TANC1: variants seen among roughly 807,000 people sequenced by gnomAD.
The protein encoded by TANC1 is tetratricopeptide repeat, ankyrin repeat and coiled-coil containing 1, also known as protein TANC1.
A neutral mutation model predicts 149.7 loss-of-function variants in TANC1; 77 were observed. That is an observed-to-expected ratio of 0.51 (90% confidence interval 0.43 to 0.62). The LOEUF is 0.62. Ranked by LOEUF, TANC1 falls within the 20% of genes least tolerant of loss-of-function variation. The pLI, the probability that TANC1 is intolerant of heterozygous loss-of-function variation, is 0.00. For missense variants in TANC1, 1,985 were observed against 2,321.8 expected (o/e 0.85, Z 2.98); for synonymous variants, 854 against 925.0 (o/e 0.92, Z 1.39).
At chr2:159,091,213 AC>A (rs2045502191) in intron 3 of TANC1, among the ~76,000 whole-genome samples, 1 of 152,032 alleles carries the variant, frequency 6.6e-6, no homozygotes, top group South Asian at 2.1e-4. Flanking sequence ...CTGGGTTCAG[AC>A]TCAGCTCTGA....
At chr2:159,052,411 G>A (rs182531068) in intron 2 of TANC1, among the ~76,000 whole-genome samples, 268 of 152,138 alleles carry the variant, frequency 1.8e-3, no homozygotes, top group Middle Eastern at 0.01. Context: ...TGACATACTC[G>A]CTCCTGCTAA....
At chr2:159,213,127 G>T (rs539377768) in intron 19 of TANC1, among the ~76,000 whole-genome samples, 1 of 152,050 alleles carries the variant, frequency 6.6e-6, no homozygotes, top group Non-Finnish European at 1.5e-5. Flanking sequence ...CTTACAAGAG[G>T]ATAACTTATC....
At chr2:159,004,075 C>T (rs2036898533) in intron 2 of TANC1, 4 of 1,612,118 alleles carry the variant, frequency 2.5e-6, no homozygotes, top group Non-Finnish European at 3.4e-6. Context: ...GTCCAAGCTT[C>T]CCTTTCTGCT....
In TANC1 at chr2:159,003,939, C is replaced by T. The variant is rs898920104; in HGVS notation, c.-16+2750C>T. 11 of 1,612,638 alleles carry T rather than the reference C, an allele frequency of 6.8e-6. No individual in the cohort carries two copies. The African/African-American group carries it at 1.1e-4, about 16-fold the overall frequency. On this transcript the variant is annotated intron_variant, in intron 2 of 26. Coordinates refer to ENST00000263635, the MANE Select transcript of TANC1 (RefSeq NM_033394.3). ...AAGAAGAAGGTGGTACATAGAACAGCCACAGCTGATGACAAAAAGCTTCAG... is the reference window on the plus strand; with the variant it reads ...AAGAAGAAGGTGGTACATAGAACAGTCACAGCTGATGACAAAAAGCTTCAG...
At chr2:159,025,242 C>CTT (rs2039222238) in intron 2 of TANC1, among the ~76,000 whole-genome samples, 2 of 15,138 alleles carry the variant, frequency 1.3e-4, no homozygotes, top group East Asian at 2.4e-3. Flanking sequence ...TCTTTCTTTT[C>CTT]TCCTTCCTTC....
intron 2 of TANC1, among the ~76,000 whole-genome samples, chr2:159,002,988 C>G (rs959831738): frequency 6.6e-6 from 1 of 152,166 alleles, no homozygotes; most frequent in African/African-American, 2.4e-5. Flanking sequence ...GCTGTAACCT[C>G]CAGGTGTAAA....
chr2:159,122,715 C>T (rs2048980575), intron 4 of TANC1, among the ~76,000 whole-genome samples: 1 of 151,442 alleles, frequency 6.6e-6, no homozygotes, highest in Non-Finnish European at 1.5e-5. Context: ...TAGCCTAATG[C>T]AGTTGATTCA....
Position 158,983,468 on chromosome 2 carries a change from C to CAAAAA in TANC1, c.-126+14701_-126+14705dup, listed in dbSNP as rs35472970. The stretch of plus-strand genomic sequence containing the variant: ...GGAGACAGAGCAAGACTCCGTCTCC[C>CAAAAA]AAAAAAAAAAAAAAAAAAACACCAA... On this transcript the variant is annotated intron_variant, in intron 1 of 26. Transcript: ENST00000263635. Among the ~76,000 whole-genome samples the CAAAAA allele has an allele frequency of 2.9e-3, 257 of 88,770 alleles. 3 individuals are homozygous for CAAAAA. Among genetic ancestry groups the CAAAAA allele is most frequent in the African/African-American group, 0.011 (237 of 21,698 alleles). The allele number at this position is 88,770 out of a possible 152,430, so 58.2% of individuals were successfully genotyped here. A position where few individuals can be genotyped will look rare whatever the true frequency, so the allele number is the denominator to read the frequency against.
Position 159,229,630 on chromosome 2 carries a change from A to C in TANC1, c.4204A>C (p.Thr1402Pro), listed in dbSNP as rs1184814537. The C allele has an allele frequency of 6.2e-7, 1 of 1,613,956 alleles. No individual in the cohort carries two copies. The highest frequency in any genetic ancestry group is 8.5e-7 in the Non-Finnish European group (1 of 1,179,954). Reference sequence around the variant, plus strand: ...GCAAGAGGCTGTGAAACTCTGTCCCACCAATCAGGAAGTCAAGAGGCTTCT... The same window carrying C: ...GCAAGAGGCTGTGAAACTCTGTCCCCCCAATCAGGAAGTCAAGAGGCTTCT... The part of the protein sequence containing the change: ...DLQEAVKLCP[T>P]NQEVKRLLAR... Residue 1402 changes from threonine to proline, a missense_variant, in exon 27 of 27, where the codon ACC becomes CCC. Thr to Pro is a conservative substitution (Grantham distance 38). Transcript: ENST00000263635.
intron 5 of TANC1, among the ~76,000 whole-genome samples, chr2:159,142,968 C>G (rs1036232606): frequency 1.3e-5 from 2 of 150,262 alleles, no homozygotes; most frequent in Admixed American, 1.3e-4. Context: ...GAGGCTGAGG[C>G]AGGAGAATTG....
At chr2:158,972,521 T>G (rs1283154346) in intron 1 of TANC1, among the ~76,000 whole-genome samples, 1 of 152,222 alleles carries the variant, frequency 6.6e-6, no homozygotes, top group African/African-American at 2.4e-5. Context: ...GCTTGCCTAG[T>G]TAGCAGCACT....
At chr2:159,163,139 A>G (rs2054215795) in intron 7 of TANC1, 144 bp from the exon 8 acceptor site, 2 of 811,970 alleles carry the variant, frequency 2.5e-6, no homozygotes, top group Non-Finnish European at 3.8e-6. Context: ...TTACCAAAAT[A>G]CATTGTATGG....
intron 2 of TANC1, among the ~76,000 whole-genome samples, chr2:159,026,201 G>C (rs2039328087): frequency 6.6e-6 from 1 of 152,194 alleles, no homozygotes; most frequent in South Asian, 2.1e-4. Context: ...CCAAAGTGCT[G>C]GGATTACAGA....
chr2:159,060,893 G>A (rs1353810349), intron 2 of TANC1, among the ~76,000 whole-genome samples: 1 of 152,076 alleles, frequency 6.6e-6, no homozygotes, highest in Admixed American at 6.6e-5. Context: ...TTTTGTCTAG[G>A]GTGTTTTTTG....
In TANC1 at chr2:159,136,002, TTGTGTGTGTGTGTGTGTG is replaced by T. The variant is rs754052800; in HGVS notation, c.260-161_260-144del. Among the ~76,000 whole-genome samples the T allele has an allele frequency of 4.1e-3, 442 of 107,878 alleles. 2 individuals carry two copies. Among genetic ancestry groups the T allele is most frequent in the African/African-American group, 0.01 (316 of 31,404 alleles). 70.8% of individuals were successfully genotyped at this position (107,878 alleles called of 152,430 possible). ...ACGTTCCCTCGTCTGTACTGAAATT[TTGTGTGTGTGTGTGTGTG>T]TGTGTGTGTGTGTGTGTGTGTGTGT... On this transcript the variant is annotated intron_variant, in intron 4 of 26. Transcript: ENST00000263635.
chr2:158,983,186 G>C (rs1373002302), intron 1 of TANC1, among the ~76,000 whole-genome samples: 1 of 152,126 alleles, frequency 6.6e-6, no homozygotes, highest in Admixed American at 6.6e-5. Flanking sequence ...TGGTGTTTTA[G>C]CCAGGCACGG....
At chr2:158,987,472 G>A (rs1418918229) in intron 1 of TANC1, among the ~76,000 whole-genome samples, 2 of 152,106 alleles carry the variant, frequency 1.3e-5, no homozygotes, top group African/African-American at 4.8e-5. Flanking sequence ...AGGCTACAGT[G>A]AGCTATGATC....
chr2:159,042,611 A>G (rs184738184), intron 2 of TANC1, among the ~76,000 whole-genome samples: 1 of 152,170 alleles, frequency 6.6e-6, no homozygotes, highest in East Asian at 1.9e-4. Flanking sequence ...CCAGTGCTGC[A>G]ACTCAGAGGC....
At chr2:159,174,212 G>C (rs966993927) in intron 11 of TANC1, among the ~76,000 whole-genome samples, 22 of 152,096 alleles carry the variant, frequency 1.4e-4, no homozygotes, top group African/African-American at 5.1e-4. Context: ...CAACACTTCA[G>C]CGTCTGGCCC....
Sources: gnomAD v4.1 joint callset for allele counts (sites outside exome capture counted in the v4.1 genomes callset) on GRCh38, gnomAD v4.1.1 for gene constraint, MANE v1.5 for transcripts, NCBI Gene and HGNC (gene_info 2026-07-23, HGNC 2026-07-21) for gene names.